The following GAREM2 variants were observed in gnomAD, a reference collection of about 807,000 sequenced individuals.
GAREM2 encodes the protein GRB2-associated and regulator of MAPK protein 2.
GAREM2 carries 30 observed loss-of-function variants against 55.6 expected under a neutral mutation model. The observed-to-expected ratio is 0.54, with a 90% confidence interval of 0.40 to 0.73. The LOEUF (loss-of-function observed/expected upper bound fraction) is 0.73. GAREM2 is among the 30% of genes least tolerant of loss of function. GAREM2 has a pLI of 0.00. For missense variants in GAREM2, 1,075 were observed against 1,257.7 expected, an observed-to-expected ratio of 0.85 and a Z score of 2.20; for synonymous variants, 550 against 569.1, an observed-to-expected ratio of 0.97 and a Z score of 0.48.
intron 2 of GAREM2, among the ~76,000 whole-genome samples, chr2:26,176,919 T>C (rs1668882914): frequency 1.3e-5 from 2 of 152,200 alleles, no homozygotes; most frequent in Admixed American, 1.3e-4. Context: ...TGGCTGCACC[T>C]CTCCGCGCTG....
downstream of GAREM2, chr2:26,191,174 G>A: frequency 1.4e-6 from 2 of 1,430,586 alleles, no homozygotes; most frequent in Admixed American, 3.4e-5. Flanking sequence ...GATAAATCTA[G>A]ACACCACTCT....
intron 2 of GAREM2, among the ~76,000 whole-genome samples, chr2:26,178,889 A>AGGAGGCGGAGGC (rs1553309898): frequency 0.02 from 2,936 of 149,812 alleles, 116 homozygotes; most frequent in African/African-American, 0.069. Context: ...GGAGGGGAGG[A>AGGAGGCGGAGGC]GGAGGCGGAG....
intron 1 of GAREM2, among the ~76,000 whole-genome samples, chr2:26,176,108 T>C (rs776590466): frequency 1.3e-5 from 2 of 152,148 alleles, no homozygotes; most frequent in African/African-American, 2.4e-5. Context: ...CAGCCACTGA[T>C]GAACGAGGGG....
chr2:26,185,994 G>GAGAT (rs1447076687), intron 4 of GAREM2, among the ~76,000 whole-genome samples, 195 bp from the exon 5 acceptor site: 1 of 152,198 alleles, frequency 6.6e-6, no homozygotes, highest in Non-Finnish European at 1.5e-5. Context: ...GTGGGTGCGT[G>GAGAT]AGATAGGCTG....
chr2:26,184,870 T>G lies in GAREM2; in HGVS notation c.1022T>G (p.Val341Gly), dbSNP rs1454301501. Residue 341 changes from valine to glycine, a missense_variant, in exon 4 of 6, where the codon GTG becomes GGG. Val to Gly is a moderately radical substitution (Grantham distance 109, BLOSUM62 -3). Coordinates refer to ENST00000401533, the MANE Select transcript of GAREM2 (RefSeq NM_001168241.2). ...GGGGACCCGCGCGTCGAGCGCCTGGTGCGCGACAGCGCCTCCTACTGCCGC... is the reference window on the plus strand; with the variant it reads ...GGGGACCCGCGCGTCGAGCGCCTGGGGCGCGACAGCGCCTCCTACTGCCGC... ...LAGDPRVERL[V>G]RDSASYCRER... 2 of 1,465,912 alleles carry G rather than the reference T, an allele frequency of 1.4e-6. No individual in the cohort carries two copies. The highest frequency in any genetic ancestry group is 1.8e-6 in the Non-Finnish European group (2 of 1,117,982). The allele number at this position is 1,465,912 out of a possible 1,614,324, so 90.8% of individuals were successfully genotyped here.
downstream of GAREM2, chr2:26,190,506 G>T (rs1177870715): frequency 6.5e-6 from 1 of 152,852 alleles, no homozygotes; most frequent in Admixed American, 6.5e-5. Flanking sequence ...CTGCTATGCA[G>T]GATCTCCGAA....
chr2:26,184,713 T>C lies in GAREM2; in HGVS notation c.865T>C (p.Tyr289His). Residue 289 changes from tyrosine (Y) to histidine (H), a missense_variant, in exon 4 of 6, where the codon TAC (tyrosine) becomes CAC (histidine). Tyr to His is a moderately conservative substitution (Grantham distance 83, BLOSUM62 2). This residue lies in a region of GAREM2 where 170 missense variants were observed against 220.7 expected (regional missense o/e 0.77). Coordinates refer to ENST00000401533, the MANE Select transcript of GAREM2 (RefSeq NM_001168241.2). ...DLHPVREGHC[Y>H]KLVSIISKTV... The stretch of plus-strand genomic sequence containing the variant: ...GCACCCGGTGCGGGAGGGTCATTGC[T>C]ACAAGCTGGTTAGCATCATCTCCAA... 6.5e-7 allele frequency: 1 copy of C among 1,535,800 alleles called. No homozygotes were observed.
rs1039482224 is a variant in GAREM2 at position 26,189,252 on chromosome 2, ATTTG to A, written c.*998_*1001del. 5.3e-5 allele frequency: 8 copies of A among 152,134 alleles called. No homozygotes were observed. The highest frequency in any genetic ancestry group is 7.3e-5 in the Non-Finnish European group (5 of 68,054). 9.4% of individuals were successfully genotyped at this position (152,134 alleles called of 1,614,324 possible). A position where few individuals can be genotyped will look rare whatever the true frequency, so the allele number is the denominator to read the frequency against. ...GTGCGTTCCTGGAGCTCAGTCCTGC[ATTTG>A]TTCACGTGCCTCACAGCAGGCCTTT... is the stretch of plus-strand genomic sequence containing the variant. On this transcript the variant is annotated 3_prime_UTR_variant, in exon 6 of 6. Transcript: ENST00000401533.
chr2:26,181,989 C>A, intron 2 of GAREM2: 1 of 989,410 alleles, frequency 1.0e-6, no homozygotes, highest in Non-Finnish European at 1.2e-6. Flanking sequence ...AAAAAACACC[C>A]AGAGGCTAAA....
chr2:26,196,133 G>C, the GAREM2 span, among the ~76,000 whole-genome samples: 1 of 152,064 alleles, frequency 6.6e-6, no homozygotes, highest in Non-Finnish European at 1.5e-5. Flanking sequence ...CCTATGAACT[G>C]GTCAGCCTAA....
intron 1 of GAREM2, among the ~76,000 whole-genome samples, chr2:26,175,551 CT>C (rs1297414415): frequency 6.6e-6 from 1 of 152,116 alleles, no homozygotes; most frequent in African/African-American, 2.4e-5. Context: ...GGACTCCCCC[CT>C]CTCCTTCGAG....
At chr2:26,198,796 T>C in the GAREM2 span, among the ~76,000 whole-genome samples, 17 of 151,588 alleles carry the variant, frequency 1.1e-4, no homozygotes, top group African/African-American at 3.9e-4. Flanking sequence ...ACAACTATAA[T>C]CCCAACACTT....
rs1669246101 is a variant in GAREM2 at position 26,186,173 on chromosome 2, C to T, written c.1429-16C>T. 6.1e-6 allele frequency: 9 copies of T among 1,482,296 alleles called. No homozygotes were observed. Among genetic ancestry groups the T allele is most frequent in the Non-Finnish European group, 6.3e-6 (7 of 1,113,876 alleles). The allele number at this position is 1,482,296 out of a possible 1,614,324, so 91.8% of individuals were successfully genotyped here. The stretch of plus-strand genomic sequence containing the variant: ...CTGTTTGGAGTCGAGGTGGAGTCAC[C>T]GCCCTCTGCTTGTAGGTGAAGGAGG... On this transcript the variant is annotated splice_polypyrimidine_tract_variant and intron_variant, in intron 4 of 5. Coordinates refer to ENST00000401533, the MANE Select transcript of GAREM2 (RefSeq NM_001168241.2).
Position 26,185,064 on chromosome 2 carries a change from G to A in GAREM2, c.1216G>A (p.Asp406Asn), listed in dbSNP as rs759827683. The A allele has an allele frequency of 2.3e-6, 3 of 1,290,810 alleles. No individual in the cohort carries two copies. Among genetic ancestry groups the A allele is most frequent in the East Asian group, 3.2e-5 (1 of 31,304 alleles). The allele number at this position is 1,290,810 out of a possible 1,614,324, so 80.0% of individuals were successfully genotyped here. The part of the protein sequence containing the change: ...PLAPAPAGEG[D>N]QEYVSPDWAA... Reference sequence around the variant, plus strand: ...AGCGCCGGCTCCCGCCGGCGAGGGCGACCAGGAGTACGTGAGCCCCGACTG... The same window carrying A: ...AGCGCCGGCTCCCGCCGGCGAGGGCAACCAGGAGTACGTGAGCCCCGACTG... Residue 406 changes from aspartate to asparagine, a missense_variant, in exon 4 of 6, where the codon GAC (aspartate) becomes AAC (asparagine). Asp to Asn is a conservative substitution (Grantham distance 23). Transcript: ENST00000401533.
the GAREM2 span, among the ~76,000 whole-genome samples, chr2:26,201,961 AT>A: frequency 0.65 from 88,843 of 137,200 alleles, 29,698 homozygotes; most frequent in Non-Finnish European, 0.71. Context: ...CGCCTGGCTA[AT>A]TTTTTTTTTT....
downstream of GAREM2, chr2:26,191,425 G>A: frequency 6.2e-7 from 1 of 1,614,188 alleles, no homozygotes; most frequent in Non-Finnish European, 8.5e-7. Flanking sequence ...TTCGTTGAAG[G>A]AGACGCAACA....
chr2:26,188,371 C>G lies in GAREM2; in HGVS notation c.*114C>G. 2.5e-6 allele frequency: 2 copies of G among 793,736 alleles called. No homozygotes were observed. The highest frequency in any genetic ancestry group is 3.7e-6 in the Non-Finnish European group (2 of 533,356). The allele number at this position is 793,736 out of a possible 1,614,324, so 49.2% of individuals were successfully genotyped here. On this transcript the variant is annotated 3_prime_UTR_variant, in exon 6 of 6. Transcript: ENST00000401533. The stretch of plus-strand genomic sequence containing the variant: ...GATCTATGTCGAGACTGAGGCTGCT[C>G]AGCAGCCACTGGGTGGATCCAGGGG...
the GAREM2 span, chr2:26,201,425 T>C: frequency 1.3e-6 from 1 of 760,230 alleles, no homozygotes; most frequent in Non-Finnish European, 2.3e-6. Flanking sequence ...CTCTGTGAGG[T>C]AGTTATTCTA....
the GAREM2 span, chr2:26,194,681 G>A: frequency 8.0e-7 from 1 of 1,254,810 alleles, no homozygotes; most frequent in Non-Finnish European, 1.2e-6. Context: ...CTGCTGCTGG[G>A]ACTGAGTCTG....
Sources: allele counts gnomAD v4.1 joint callset (sites outside exome capture counted in the v4.1 genomes callset), GRCh38; gene constraint gnomAD v4.1.1; regional missense constraint gnomAD v4.1.1; transcripts MANE v1.5; gene names NCBI Gene and HGNC (gene_info 2026-07-23, HGNC 2026-07-21).